The following EDEM1 variants were observed in gnomAD, a reference collection of about 807,000 sequenced individuals.
EDEM1 encodes the protein ER degradation enhancing alpha-mannosidase like protein 1, also known as ER degradation-enhancing alpha-mannosidase-like protein 1.
Under a neutral mutation model 74.4 loss-of-function variants are expected in EDEM1, and 67 were observed. The ratio of observed to expected loss-of-function variants is 0.90; its 90% CI spans 0.74 to 1.10. EDEM1 has a LOEUF of 1.10. Ranked by LOEUF, EDEM1 falls within the 50% of genes least tolerant of loss-of-function variation. EDEM1 has a pLI of 0.00. For synonymous variants in EDEM1, 382 were observed against 335.9 expected, an observed-to-expected ratio of 1.14 and a Z score of -1.50; for missense variants, 926 against 851.6, an observed-to-expected ratio of 1.09 and a Z score of -1.09.
At position 5,205,195 on chromosome 3, in the gene EDEM1, A is replaced by G. The variant is rs2055081102; in HGVS notation, c.1171A>G (p.Met391Val). The change falls in exon 6 of 12, where the codon ATG becomes GTG. Residue 391 changes from methionine to valine, a missense_variant. By Grantham distance (21) the Met-to-Val change is conservative. Coordinates refer to ENST00000256497, the MANE Select transcript of EDEM1 (RefSeq NM_014674.3). ...CTTTGGAGAAAAAGAAGACCTAGAA[A>G]TGTTTAATGCTGCATATCAGAGTAT... is the stretch of plus-strand genomic sequence containing the variant. ...ILFGEKEDLE[M>V]FNAAYQSIQN... 3 of 1,614,232 alleles carry G rather than the reference A, an allele frequency of 1.9e-6. No homozygotes were observed. Among genetic ancestry groups the G allele is most frequent in the Non-Finnish European group, 2.5e-6 (3 of 1,180,034 alleles).
At position 5,218,658 on chromosome 3, in the gene EDEM1, A is replaced by G. The variant is rs573614519; in HGVS notation, c.*2740A>G. 11 of 152,256 alleles carry G rather than the reference A, an allele frequency of 7.2e-5. No homozygotes were observed. The highest frequency in any genetic ancestry group is 3.3e-4 in the Admixed American group (5 of 15,302). The allele number at this position is 152,256 out of a possible 1,614,324, so 9.4% of individuals were successfully genotyped here. A position where few individuals can be genotyped will look rare whatever the true frequency, so the allele number is the denominator to read the frequency against. ...CAGAACTGTTGTAGAAAGCTGCCTTATAGTTGGCTTGACAAAGCATAATTC... is the reference window on the plus strand; with the variant it reads ...CAGAACTGTTGTAGAAAGCTGCCTTGTAGTTGGCTTGACAAAGCATAATTC... On this transcript the variant is annotated 3_prime_UTR_variant, in exon 12 of 12. Coordinates refer to ENST00000256497, the MANE Select transcript of EDEM1 (RefSeq NM_014674.3).
At chr3:5,207,086 G>T in intron 6 of EDEM1, 67 bp from the exon 7 acceptor site, 1 of 1,583,176 alleles carries the variant, frequency 6.3e-7, no homozygotes, top group South Asian at 1.2e-5. Flanking sequence ...ACCAGCAGCT[G>T]CTGGAGAGGT....
In EDEM1 at chr3:5,187,934, CCAGCGTCTGAGGAGCCCCGA is replaced by C. The variant is rs1279165784; in HGVS notation, c.131_150del (p.Gln44ArgfsTer127). Reference sequence around the variant, plus strand: ...AGCGCTTTCCGCTCAGCTTCGGCTTCCAGCGTCTGAGGAGCCCCGACGGCCCCGCGTCGCCCACCTCGGGG... The same window carrying C: ...AGCGCTTTCCGCTCAGCTTCGGCTTCCGGCCCCGCGTCGCCCACCTCGGGG... On this transcript the variant is annotated frameshift_variant, in exon 1 of 12. Transcript: ENST00000256497. LOFTEE classifies it high-confidence loss of function. 6 of 1,587,696 alleles carry C rather than the reference CCAGCGTCTGAGGAGCCCCGA, an allele frequency of 3.8e-6. No homozygotes were observed. The highest frequency in any genetic ancestry group is 5.1e-6 in the Non-Finnish European group (6 of 1,170,274).
rs1400814827 is a variant in EDEM1 at position 5,219,094 on chromosome 3, C to G, written c.*3176C>G. On this transcript the variant is annotated 3_prime_UTR_variant, in exon 12 of 12. Transcript: ENST00000256497. ...GGCCTTGTTTCCTCCTCCCCTTTCC[C>G]CTTCTCCCCACCAAAGGAAAATATC... 2.0e-5 allele frequency: 3 copies of G among 152,146 alleles called. No homozygotes were observed. The highest frequency in any genetic ancestry group is 4.8e-5 in the African/African-American group (2 of 41,414). The allele number at this position is 152,146 out of a possible 1,614,324, so 9.4% of individuals were successfully genotyped here.
chr3:5,215,597 CTG>C (rs2055224856), intron 11 of EDEM1, among the ~76,000 whole-genome samples: 1 of 152,182 alleles, frequency 6.6e-6, no homozygotes, highest in Admixed American at 6.5e-5. Flanking sequence ...GGAACAGCGT[CTG>C]GAGACGTTTT....
intron 1 of EDEM1, among the ~76,000 whole-genome samples, chr3:5,191,697 C>A (rs1349736081): frequency 3.9e-5 from 6 of 152,188 alleles, no homozygotes; most frequent in Admixed American, 6.5e-5. Context: ...TATCTTGCCT[C>A]AAGTACATGT....
chr3:5,208,119 C>T lies in EDEM1; in HGVS notation c.1365C>T (p.Ala455=). 6.2e-7 allele frequency: 1 copy of T among 1,605,518 alleles called. No homozygotes were observed. Among genetic ancestry groups the T allele is most frequent in the Non-Finnish European group, 8.5e-7 (1 of 1,177,582 alleles). Residue 455 remains alanine, a synonymous_variant, in exon 8 of 12, where the codon GCC becomes GCT. Transcript: ENST00000256497. The stretch of plus-strand genomic sequence containing the variant: ...TGCTGATAGGAGATGTGGAAGATGC[C>T]ATCTGCCTTCATGCCTTCTACTATG... ...LQVLIGDVED[A]ICLHAFYYAI...
At chr3:5,195,075 G>A (rs992503933) in intron 1 of EDEM1, 134 bp from the exon 2 acceptor site, 1 of 472,164 alleles carries the variant, frequency 2.1e-6, no homozygotes. Context: ...GACCTTTGCT[G>A]TATTAATTCA....
chr3:5,207,689 G>A lies in EDEM1; in HGVS notation c.1339-404G>A, dbSNP rs1004685617. 2.1e-4 allele frequency among the ~76,000 whole-genome samples: 32 copies of A among 152,082 alleles called. 1 individual carries two copies. Among genetic ancestry groups the A allele is most frequent in the Non-Finnish European group, 1.3e-4 (9 of 68,018 alleles). On this transcript the variant is annotated intron_variant, in intron 7 of 11. Transcript: ENST00000256497. ...ATCCGGCTAATTTTTTGTACTTTTA[G>A]TAGAGACGGGGTTTCACTGTGTTGT... is the stretch of plus-strand genomic sequence containing the variant.
At chr3:5,202,825 A>G in intron 4 of EDEM1, 141 bp from the exon 5 acceptor site, 3 of 637,036 alleles carry the variant, frequency 4.7e-6, no homozygotes, top group Non-Finnish European at 8.1e-6. Flanking sequence ...TATTCACCTC[A>G]GATGTATCTT....
rs370476 is a variant in EDEM1, at chr3:5,216,746, G to A, written c.*828G>A. On this transcript the variant is annotated 3_prime_UTR_variant, in exon 12 of 12. Transcript: ENST00000256497. ...TAAGAGGTTAACTGACATCTTTTGG[G>A]TGGTATTTTGCATTTTGAATATGAA... 0.8 allele frequency: 122,164 copies of A among 152,588 alleles called. 48,943 individuals are homozygous for A. The highest frequency in any genetic ancestry group is 0.93 in the East Asian group (4,817 of 5,182). 9.5% of individuals were successfully genotyped at this position (152,588 alleles called of 1,614,324 possible).
intron 1 of EDEM1, 61 bp downstream of exon 1, chr3:5,188,375 G>T: frequency 7.4e-7 from 1 of 1,360,326 alleles, no homozygotes; most frequent in African/African-American, 1.5e-5. Context: ...CCTCCGCGCC[G>T]GGGTGCAGCC....
intron 6 of EDEM1, 152 bp downstream of exon 6, chr3:5,205,393 A>G: frequency 1.3e-6 from 1 of 773,634 alleles, no homozygotes; most frequent in South Asian, 1.9e-5. Context: ...TCTGGGGGCA[A>G]AGAGCTGTGT....
At chr3:5,192,550 C>T (rs374183223) in intron 1 of EDEM1, among the ~76,000 whole-genome samples, 4 of 152,146 alleles carry the variant, frequency 2.6e-5, no homozygotes, top group African/African-American at 4.8e-5. Context: ...TTTAGTTGTG[C>T]GGTTCAGCCA....
In EDEM1 at chr3:5,211,228, G is replaced by A. The variant is rs770988406; in HGVS notation, c.1680+12G>A. ...AATATTTGTATCTGGTATGTGTGTT[G>A]CAAGATGAACCCAGGAATATTTAGT... On this transcript the variant is annotated intron_variant, in intron 10 of 11. Transcript: ENST00000256497. The A allele has an allele frequency of 6.2e-6, 10 of 1,610,986 alleles. No homozygotes were observed. In the South Asian group the frequency reaches 1.1e-4, roughly 18 times the overall value.
Position 5,219,279 on chromosome 3 carries a change from A to C in EDEM1, c.*3361A>C, listed in dbSNP as rs888742617. On this transcript the variant is annotated 3_prime_UTR_variant, in exon 12 of 12. Transcript: ENST00000256497. ...TTTTTTGTCTGTTGACAAAAACAAA[A>C]ATCTTTTTTCAAATGTAGTGCTGGT... 6.6e-6 allele frequency: 1 copy of C among 152,186 alleles called. No homozygotes were observed. Among genetic ancestry groups the C allele is most frequent in the African/African-American group, 2.4e-5 (1 of 41,436 alleles). 9.4% of individuals were successfully genotyped at this position (152,186 alleles called of 1,614,324 possible).
chr3:5,215,776 C>T, intron 11 of EDEM1, 53 bp from the exon 12 acceptor site: 1 of 1,503,976 alleles, frequency 6.6e-7, no homozygotes, highest in South Asian at 1.1e-5. Flanking sequence ...AGTCACATTT[C>T]CTGAGAGAGC....
At position 5,195,247 on chromosome 3, in the gene EDEM1, C is replaced by G; in HGVS notation, c.548C>G (p.Ser183Ter). Residue 183 changes from serine (S) to a stop codon, truncating the protein, a stop_gained, in exon 2 of 12, where the codon TCA (serine) becomes TGA (stop). Coordinates refer to ENST00000256497, the MANE Select transcript of EDEM1 (RefSeq NM_014674.3). LOFTEE classifies it high-confidence loss of function. ...LNINDVLGNY[S>*]LTLVDALDTL... ...ATCAATGATGTACTAGGGAACTACT[C>G]ATTGACTCTTGTTGATGCATTGGAT... The G allele has an allele frequency of 6.4e-7, 1 of 1,568,830 alleles. No homozygotes were observed. The highest frequency in any genetic ancestry group is 8.6e-7 in the Non-Finnish European group (1 of 1,157,808).
rs372446578 is a variant in EDEM1, at chr3:5,195,593, T to C, written c.582+312T>C. Among the ~76,000 whole-genome samples the C allele has an allele frequency of 1.5e-4, 23 of 152,350 alleles. No individual in the cohort carries two copies. In the East Asian group the frequency reaches 4.2e-3, roughly 28 times the overall value. On this transcript the variant is annotated intron_variant, in intron 2 of 11. Transcript: ENST00000256497. ...CCATAATGAAGCTCATTAATATTGA[T>C]AATTATAGTCGTTGCTATTCCAGGA...
Sources: allele counts gnomAD v4.1 joint callset (sites outside exome capture counted in the v4.1 genomes callset), GRCh38; gene constraint gnomAD v4.1.1; transcripts MANE v1.5; gene names NCBI Gene and HGNC (gene_info 2026-07-23, HGNC 2026-07-21).